Variants in CRMP1 observed in about 807,000 individuals in gnomAD.
CRMP1 encodes the protein collapsin response mediator protein 1.
A neutral mutation model predicts 68.3 loss-of-function variants in CRMP1; 19 were observed. The ratio of observed to expected loss-of-function variants is 0.28; its 90% CI spans 0.19 to 0.41. The LOEUF is 0.41. CRMP1 is among the 10% of genes least tolerant of loss of function. The pLI, the probability that CRMP1 is intolerant of heterozygous loss-of-function variation, is 1.00. For synonymous variants in CRMP1, 439 were observed against 399.6 expected (o/e 1.10, Z -1.18); for missense variants, 791 against 967.4 (o/e 0.82, Z 2.42).
rs546582291 is a variant in CRMP1 at position 5,853,251 on chromosome 4, A to G, written c.821-1782T>C. 6.6e-6 allele frequency among the ~76,000 whole-genome samples: 1 copy of G among 152,304 alleles called. No homozygotes were observed. The highest frequency in any genetic ancestry group is 2.1e-4 in the South Asian group (1 of 4,818). ...AATATGGTGATACCCCGTCTCTACTAAAAATACAAAAATTAGCCGGGTGTG... is the reference window on the plus strand; with the variant it reads ...AATATGGTGATACCCCGTCTCTACTGAAAATACAAAAATTAGCCGGGTGTG... On this transcript the variant is annotated intron_variant, in intron 4 of 13. Transcript: ENST00000324989. The surrounding 1 kb of genome is among the most constrained non-coding windows in gnomAD (Gnocchi z 4.7).
intron 1 of CRMP1, among the ~76,000 whole-genome samples, chr4:5,882,999 T>C (rs1715310936): frequency 6.6e-6 from 1 of 152,156 alleles, no homozygotes; most frequent in African/African-American, 2.4e-5. Flanking sequence ...AATCCCCCCA[T>C]AGCCCCACCC....
rs950151045 is a variant in CRMP1 at position 5,865,536 on chromosome 4, G to A, written c.470+1132C>T. On this transcript the variant is annotated intron_variant, in intron 2 of 13. Transcript: ENST00000324989. This position sits in a 1 kb window ranked among gnomAD's most constrained non-coding sequence, Gnocchi z 4.1. ...CTCGGGAGGCTGAGGCAGGGGAGTC[G>A]ATTGAACCCGGGAAGTGGAGGTTGC... Among the ~76,000 whole-genome samples the A allele has an allele frequency of 3.3e-5, 5 of 150,554 alleles. No homozygotes were observed. The highest frequency in any genetic ancestry group is 2.0e-4 in the East Asian group (1 of 5,056).
At position 5,858,556 on chromosome 4, in the gene CRMP1, G is replaced by A. The variant is rs3911870; in HGVS notation, c.656-2249C>T. On this transcript the variant is annotated intron_variant, in intron 3 of 13. Transcript: ENST00000324989. The surrounding 1 kb of genome is among the most constrained non-coding windows in gnomAD (Gnocchi z 5.5). Reference sequence around the variant, plus strand: ...GACTGGCCTCCTCCATATCCCTGGAGCTGTCCAATTCTGCCCACTCCATGG... The same window carrying A: ...GACTGGCCTCCTCCATATCCCTGGAACTGTCCAATTCTGCCCACTCCATGG... Among the ~76,000 whole-genome samples, 106,754 of 151,930 alleles carry A rather than the reference G, an allele frequency of 0.7. 37,964 individuals carry two copies. Among genetic ancestry groups the A allele is most frequent in the East Asian group, 0.79 (4,096 of 5,154 alleles).
At chr4:5,832,525 A>ATT in intron 11 of CRMP1, among the ~76,000 whole-genome samples, 1 of 152,340 alleles carries the variant, frequency 6.6e-6, no homozygotes, top group African/African-American at 2.4e-5. Context: ...TAAAAGTAAC[A>ATT]TTTTTTTAAA....
chr4:5,868,261 C>CTATCTATCTATATATATATATATA (rs1210674102), intron 1 of CRMP1, among the ~76,000 whole-genome samples: 1 of 111,472 alleles, frequency 9.0e-6, no homozygotes, highest in Non-Finnish European at 1.8e-5. Context: ...GACTATATAT[C>CTATCTATCTATATATATATATATA]TATATATATA....
At chr4:5,857,903 A>T (rs1713251721) in intron 3 of CRMP1, among the ~76,000 whole-genome samples, 1 of 151,718 alleles carries the variant, frequency 6.6e-6, no homozygotes, top group Admixed American at 6.6e-5. Flanking sequence ...AGTCTTTTAA[A>T]CCTCCCTTGA....
chr4:5,858,212 C>T lies in CRMP1; in HGVS notation c.656-1905G>A, dbSNP rs985960592. Among the ~76,000 whole-genome samples, 32 of 152,260 alleles carry T rather than the reference C, an allele frequency of 2.1e-4. No homozygotes were observed. The highest frequency in any genetic ancestry group is 7.7e-4 in the African/African-American group (32 of 41,548). ...ACTTCTTTGGCTGCCGCTTCTCAAT[C>T]ATCCTGAGGACTCCATCCCCTACTG... On this transcript the variant is annotated intron_variant, in intron 3 of 13. Transcript: ENST00000324989. This position sits in a 1 kb window ranked among gnomAD's most constrained non-coding sequence, Gnocchi z 5.5.
Position 5,861,042 on chromosome 4 carries a change from G to A in CRMP1, c.639C>T (p.Gly213=). The change falls in exon 3 of 14, where the codon GGC becomes GGT. Residue 213 remains glycine, a synonymous_variant. Coordinates refer to ENST00000324989, the MANE Select transcript of CRMP1 (RefSeq NM_001014809.3). The surrounding 1 kb of genome is among the most constrained non-coding windows in gnomAD (Gnocchi z 6.0). The part of the protein sequence containing the change: ...FFQGTRAALV[G]GTTMIIDHVV... ...GTCACTCACTGATCATCGTGGTCCC[G>A]CCCACCAGTGCCGCCCTGGTCCCTT... The A allele has an allele frequency of 6.2e-7, 1 of 1,613,972 alleles. No homozygotes were observed. The highest frequency in any genetic ancestry group is 8.5e-7 in the Non-Finnish European group (1 of 1,179,972).
intron 4 of CRMP1, among the ~76,000 whole-genome samples, chr4:5,852,965 G>A (rs1712774871): frequency 6.6e-6 from 1 of 152,096 alleles, no homozygotes; most frequent in Admixed American, 6.6e-5. Context: ...TCGAGCAGAT[G>A]GGAAACGGAG....
At chr4:5,846,134 A>G (rs1013747232) in intron 6 of CRMP1, among the ~76,000 whole-genome samples, 2 of 152,130 alleles carry the variant, frequency 1.3e-5, no homozygotes, top group African/African-American at 4.8e-5. Context: ...CATCACTACT[A>G]AAAATACAAA....
chr4:5,836,816 C>G lies in CRMP1; in HGVS notation c.1401G>C (p.Glu467Asp). ...VGKDNFTLIPEGVNGIEERMT... is the reference protein window; with the variant it reads ...VGKDNFTLIPDGVNGIEERMT... Reference sequence around the variant, plus strand: ...TCCGCTCCTCTATCCCGTTGACACCCTCGGGGATCAGGGTAAAGTTGTCCT... The same window carrying G: ...TCCGCTCCTCTATCCCGTTGACACCGTCGGGGATCAGGGTAAAGTTGTCCT... The change falls in exon 10 of 14, where the codon GAG (glutamate) becomes GAC (aspartate). Residue 467 changes from glutamate to aspartate, a missense_variant. Physicochemically the swap from Glu to Asp is conservative, Grantham distance 45 (BLOSUM62 2). Coordinates refer to ENST00000324989, the MANE Select transcript of CRMP1 (RefSeq NM_001014809.3). The G allele has an allele frequency of 6.2e-7, 1 of 1,614,066 alleles. No homozygotes were observed. Among genetic ancestry groups the G allele is most frequent in the Non-Finnish European group, 8.5e-7 (1 of 1,179,912 alleles).
At chr4:5,884,051 G>A (rs1161963027) in intron 1 of CRMP1, among the ~76,000 whole-genome samples, 1 of 152,210 alleles carries the variant, frequency 6.6e-6, no homozygotes, top group African/African-American at 2.4e-5. Context: ...CAGATGCTCA[G>A]AGTCAGTAGT....
intron 3 of CRMP1, among the ~76,000 whole-genome samples, chr4:5,857,225 CCAT>C (rs1249773374): frequency 6.6e-6 from 1 of 151,356 alleles, no homozygotes; most frequent in African/African-American, 2.4e-5. Context: ...ACCAGCACCA[CCAT>C]CATCACCATC....
At chr4:5,885,709 C>T (rs1478272642) in intron 1 of CRMP1, among the ~76,000 whole-genome samples, 3 of 152,132 alleles carry the variant, frequency 2.0e-5, no homozygotes, top group African/African-American at 7.2e-5. Context: ...CGTATGATAC[C>T]CTTAACACTT....
chr4:5,826,184 A>G (rs6846920), intron 12 of CRMP1: 48,984 of 154,906 alleles, frequency 0.32, 13,080 homozygotes, highest in African/African-American at 0.74. Context: ...TCCCTTCCAA[A>G]GAGAAGTCAC....
Position 5,842,148 on chromosome 4 carries a change from G to A in CRMP1, c.1033-720C>T, listed in dbSNP as rs1711777353. ...AGCTACTTGGGAGGCTGAGGCAGGAGAATGGTGTGAACCCGGGAGGCAGAG... is the reference window on the plus strand; with the variant it reads ...AGCTACTTGGGAGGCTGAGGCAGGAAAATGGTGTGAACCCGGGAGGCAGAG... On this transcript the variant is annotated intron_variant, in intron 7 of 13. Coordinates refer to ENST00000324989, the MANE Select transcript of CRMP1 (RefSeq NM_001014809.3). This position sits in a 1 kb window ranked among gnomAD's most constrained non-coding sequence, Gnocchi z 4.5. Among the ~76,000 whole-genome samples, 1 of 152,196 alleles carries A rather than the reference G, an allele frequency of 6.6e-6. No homozygotes were observed. The highest frequency in any genetic ancestry group is 1.5e-5 in the Non-Finnish European group (1 of 68,044).
At chr4:5,873,990 G>A (rs958693598) in intron 1 of CRMP1, among the ~76,000 whole-genome samples, 20 of 152,208 alleles carry the variant, frequency 1.3e-4, no homozygotes, top group Non-Finnish European at 2.9e-5. Context: ...AGCGCTGGGT[G>A]GAAATGGAAG....
Position 5,838,933 on chromosome 4 carries a change from A to G in CRMP1, c.1310+589T>C, listed in dbSNP as rs1484053674. The stretch of plus-strand genomic sequence containing the variant: ...TCTCTGCTTCCAGAGCGGCCTGGAC[A>G]CTTAGCCTCGCTGTGTGGCCCTGCT... On this transcript the variant is annotated intron_variant, in intron 9 of 13. Transcript: ENST00000324989. The surrounding 1 kb of genome is among the most constrained non-coding windows in gnomAD (Gnocchi z 4.9). Among the ~76,000 whole-genome samples, 1 of 152,216 alleles carries G rather than the reference A, an allele frequency of 6.6e-6. No homozygotes were observed. The highest frequency in any genetic ancestry group is 1.5e-5 in the Non-Finnish European group (1 of 68,006).
In CRMP1 at chr4:5,890,010, A is replaced by G; in HGVS notation, c.381+2579T>C. ...TTAGCTGCAGCAAAGCAGCATGGAG[A>G]TGCCAGGTTCCCCTACACTCTGTTT... is the stretch of plus-strand genomic sequence containing the variant. On this transcript the variant is annotated intron_variant, in intron 1 of 13. Coordinates refer to ENST00000324989, the MANE Select transcript of CRMP1 (RefSeq NM_001014809.3). This position sits in a 1 kb window ranked among gnomAD's most constrained non-coding sequence, Gnocchi z 5.5. 2.1e-6 allele frequency: 2 copies of G among 949,982 alleles called. No individual in the cohort carries two copies. The highest frequency in any genetic ancestry group is 2.7e-6 in the Non-Finnish European group (2 of 736,156). 58.8% of individuals were successfully genotyped at this position (949,982 alleles called of 1,614,324 possible). A position where few individuals can be genotyped will look rare whatever the true frequency, so the allele number is the denominator to read the frequency against.
Sources: gnomAD v4.1 joint callset for allele counts (sites outside exome capture counted in the v4.1 genomes callset) on GRCh38, gnomAD v4.1.1 for gene constraint, Gnocchi (gnomAD v3.1) non-coding constraint, MANE v1.5 for transcripts, NCBI Gene and HGNC (gene_info 2026-07-23, HGNC 2026-07-21) for gene names.